PSG2: variants seen among roughly 807,000 people sequenced by gnomAD.
The protein encoded by PSG2 is pregnancy specific beta-1-glycoprotein 2.
PSG2 carries 49 observed loss-of-function variants against 36.2 expected under a neutral mutation model. The observed-to-expected ratio is 1.35, with a 90% CI of 1.08 to 1.72. The LOEUF (loss-of-function observed/expected upper bound fraction) is 1.72, where lower values mean the gene tolerates loss of function less well. Among genes scored for constraint, PSG2 ranks in the 40% most tolerant of loss-of-function variants. PSG2 has a pLI of 0.00. For synonymous variants in PSG2, 261 were observed against 155.6 expected, an observed-to-expected ratio of 1.68 and a Z score of -5.04; for missense variants, 605 against 407.2, an observed-to-expected ratio of 1.49 and a Z score of -4.18.
intron 2 of PSG2, among the ~76,000 whole-genome samples, chr19:43,080,506 G>A (rs1329825060): frequency 6.6e-6 from 1 of 151,656 alleles, no homozygotes; most frequent in Non-Finnish European, 1.5e-5. Flanking sequence ...AGGTTTCTAG[G>A]GCTGAGCTTC....
At chr19:43,071,505 C>G (rs966036712) in intron 4 of PSG2, among the ~76,000 whole-genome samples, 195 bp downstream of exon 4, 1 of 151,562 alleles carries the variant, frequency 6.6e-6, no homozygotes, top group African/African-American at 2.4e-5. Context: ...GACACAAGGT[C>G]AGCCATGAGA....
chr19:43,068,293 G>A (rs540622872), intron 4 of PSG2, among the ~76,000 whole-genome samples: 2 of 151,324 alleles, frequency 1.3e-5, no homozygotes, highest in South Asian at 2.1e-4. Flanking sequence ...AAACCAATTA[G>A]CTGGGCATGT....
At position 43,072,777 on chromosome 19, in the gene PSG2, C is replaced by T. The variant is rs1341872796; in HGVS notation, c.710-823G>A. 1.0e-5 allele frequency: 15 copies of T among 1,458,490 alleles called. No homozygotes were observed. The South Asian group carries it at 1.9e-4, about 18-fold the overall frequency. 90.3% of individuals were successfully genotyped at this position (1,458,490 alleles called of 1,614,324 possible). A position where few individuals can be genotyped will look rare whatever the true frequency, so the allele number is the denominator to read the frequency against. On this transcript the variant is annotated intron_variant, in intron 3 of 5. Coordinates refer to ENST00000406487, the MANE Select transcript of PSG2 (RefSeq NM_031246.4). ...TGGTGTGTGTGTCACAAGACAGATGCATGATGATCTAAGGGCTCAAAGACT... is the reference window on the plus strand; with the variant it reads ...TGGTGTGTGTGTCACAAGACAGATGTATGATGATCTAAGGGCTCAAAGACT...
chr19:43,071,112 G>T (rs886904837), intron 4 of PSG2, among the ~76,000 whole-genome samples: 1 of 151,388 alleles, frequency 6.6e-6, no homozygotes, highest in Non-Finnish European at 1.5e-5. Flanking sequence ...TCAACTGGCA[G>T]CTCCATTTAG....
intron 1 of PSG2, among the ~76,000 whole-genome samples, chr19:43,081,620 T>A (rs147958371): frequency 1.3e-5 from 2 of 151,484 alleles, no homozygotes; most frequent in African/African-American, 4.9e-5. Context: ...ACCCTGGGTC[T>A]TCCCTTTCTG....
Position 43,071,841 on chromosome 19 carries a change from T to C in PSG2, c.823A>G (p.Ile275Val). 6.2e-7 allele frequency: 1 copy of C among 1,613,202 alleles called. No homozygotes were observed. The highest frequency in any genetic ancestry group is 8.5e-7 in the Non-Finnish European group (1 of 1,179,652). Residue 275 changes from isoleucine (I) to valine (V), a missense_variant, in exon 4 of 6, where the codon ATT (isoleucine) becomes GTT (valine). Transcript: ENST00000406487. ...CCTGATTGCTGAAACTTCCCATTAA[T>C]TGTCCAAGAATACTGTGCCGGTGGG... ...SNPPAQYSWT[I>V]NGKFQQSGQN...
intron 2 of PSG2, among the ~76,000 whole-genome samples, chr19:43,079,642 T>C (rs1384830007): frequency 2.6e-5 from 4 of 151,748 alleles, no homozygotes; most frequent in African/African-American, 9.7e-5. Flanking sequence ...GGGTTTCAGG[T>C]TCAGTGATGG....
intron 4 of PSG2, 120 bp from the exon 5 acceptor site, chr19:43,066,720 T>C: frequency 7.2e-7 from 1 of 1,382,384 alleles, no homozygotes; most frequent in Non-Finnish European, 1.0e-6. Context: ...ACCACATTAT[T>C]TCTCTTGGAA....
chr19:43,077,946 A>C (rs945421116), intron 2 of PSG2, among the ~76,000 whole-genome samples: 1 of 147,162 alleles, frequency 6.8e-6, no homozygotes, highest in East Asian at 2.3e-4. Context: ...CGGAAGCCAG[A>C]AGTCTCTAGG....
intron 2 of PSG2, among the ~76,000 whole-genome samples, chr19:43,079,184 AGCAGAGAGAG>A (rs1967936911): frequency 6.6e-6 from 1 of 151,560 alleles, no homozygotes; most frequent in South Asian, 2.1e-4. Flanking sequence ...GACACAGAGA[AGCAGAGAGAG>A]GCAGAGACAC....
rs1417076390 is a variant in PSG2 at position 43,072,907 on chromosome 19, A to G, written c.710-953T>C. Among the ~76,000 whole-genome samples, 3 of 151,716 alleles carry G rather than the reference A, an allele frequency of 2.0e-5. 1 individual carries two copies. Among genetic ancestry groups the G allele is most frequent in the African/African-American group, 7.3e-5 (3 of 41,094 alleles). ...ACATGTCAGTGGGAGTCACAGCCCC[A>G]GTACCCCTCCCAGTCTCTCCCTAAT... On this transcript the variant is annotated intron_variant, in intron 3 of 5. Transcript: ENST00000406487.
Position 43,076,401 on chromosome 19 carries a change from A to T in PSG2, c.431-769T>A, listed in dbSNP as rs1407305415. On this transcript the variant is annotated intron_variant, in intron 2 of 5. Coordinates refer to ENST00000406487, the MANE Select transcript of PSG2 (RefSeq NM_031246.4). The stretch of plus-strand genomic sequence containing the variant: ...CCCTTCCCCCTGTAGAGGGCAGGTG[A>T]GGACGATGTGGACCTTTCTAGAAAT... Among the ~76,000 whole-genome samples the T allele has an allele frequency of 2.0e-5, 3 of 151,794 alleles. 1 individual carries two copies. The highest frequency in any genetic ancestry group is 4.4e-5 in the Non-Finnish European group (3 of 67,982).
chr19:43,076,016 G>T (rs1485627649), intron 2 of PSG2, among the ~76,000 whole-genome samples: 1 of 151,498 alleles, frequency 6.6e-6, no homozygotes, highest in African/African-American at 2.4e-5. Context: ...GTCTTACTTT[G>T]CCCCCTGAGG....
intron 1 of PSG2, among the ~76,000 whole-genome samples, 162 bp from the exon 2 acceptor site, chr19:43,081,408 ATG>A (rs1373468850): frequency 4.7e-5 from 7 of 148,856 alleles, no homozygotes; most frequent in African/African-American, 1.8e-4. Context: ...CAAAAGGGGC[ATG>A]TGTGTTTGTA....
chr19:43,071,608 G>C (rs1967816817), intron 4 of PSG2, 92 bp downstream of exon 4: 3 of 1,610,764 alleles, frequency 1.9e-6, no homozygotes. Flanking sequence ...TGGGACACAG[G>C]CTGGGAATAA....
At position 43,064,533 on chromosome 19, in the gene PSG2, TG is replaced by T; in HGVS notation, c.*108del. 1.6e-6 allele frequency: 1 copy of T among 642,290 alleles called. No individual in the cohort carries two copies. Among genetic ancestry groups the T allele is most frequent in the Non-Finnish European group, 2.9e-6 (1 of 348,070 alleles). The allele number at this position is 642,290 out of a possible 1,614,324, so 39.8% of individuals were successfully genotyped here. A position where few individuals can be genotyped will look rare whatever the true frequency, so the allele number is the denominator to read the frequency against. On this transcript the variant is annotated 3_prime_UTR_variant, in exon 6 of 6. Coordinates refer to ENST00000406487, the MANE Select transcript of PSG2 (RefSeq NM_031246.4). Reference sequence around the variant, plus strand: ...AAAATTTTGAAAGTTCTTAGTCCAGTGGTATGATCTTGAAGTTATCAGGAGC... The same window carrying T: ...AAAATTTTGAAAGTTCTTAGTCCAGTGTATGATCTTGAAGTTATCAGGAGC...
chr19:43,080,463 G>C (rs745464377), intron 2 of PSG2, among the ~76,000 whole-genome samples: 4 of 151,716 alleles, frequency 2.6e-5, no homozygotes, highest in Admixed American at 6.6e-5. Context: ...GCTTTATCTG[G>C]AGCAAGGATT....
At position 43,081,060 on chromosome 19, in the gene PSG2, A is replaced by G. The variant is rs759046470; in HGVS notation, c.251T>C (p.Val84Ala). The G allele has an allele frequency of 1.2e-5, 19 of 1,612,898 alleles. No homozygotes were observed. Among genetic ancestry groups the G allele is most frequent in the East Asian group, 6.7e-5 (3 of 44,862 alleles). ...CCCATATATAATTATTTGACCGTCT[A>G]CTACATATGATGTAATGTAATGGTA... ...DLYHYITSYV[V>A]DGQIIIYGPA... The change falls in exon 2 of 6, where the codon GTA becomes GCA. Residue 84 changes from valine to alanine, a missense_variant. Val to Ala is a moderately conservative substitution (Grantham distance 64). Transcript: ENST00000406487.
rs775993306 is a variant in PSG2 at position 43,075,127 on chromosome 19, C to T, written c.709+227G>A. ...AGACATTCACCTGTTTCTCCCATCA[C>T]AAGCTGTGGACCCTGAGTCTCCTAT... On this transcript the variant is annotated intron_variant, in intron 3 of 5. Coordinates refer to ENST00000406487, the MANE Select transcript of PSG2 (RefSeq NM_031246.4). Among the ~76,000 whole-genome samples, 8 of 151,810 alleles carry T rather than the reference C, an allele frequency of 5.3e-5. 1 individual carries two copies. The highest frequency in any genetic ancestry group is 1.0e-4 in the Non-Finnish European group (7 of 67,994).
Sources: allele counts gnomAD v4.1 joint callset (sites outside exome capture counted in the v4.1 genomes callset), GRCh38; gene constraint gnomAD v4.1.1; transcripts MANE v1.5; gene names NCBI Gene and HGNC (gene_info 2026-07-23, HGNC 2026-07-21).